The following MYH14 variants were observed in gnomAD, a reference collection of about 807,000 sequenced individuals.
MYH14 encodes myosin heavy chain 14, also known as myosin-14.
Under a neutral mutation model 255.5 loss-of-function variants are expected in MYH14, and 123 were observed. The observed-to-expected ratio is 0.48, with a 90% CI of 0.42 to 0.56. The LOEUF (loss-of-function observed/expected upper bound fraction) is 0.56, where lower values mean the gene tolerates loss of function less well. Among genes scored for constraint, MYH14 ranks in the 20% least tolerant of loss-of-function variants. MYH14 has a pLI of 0.00. For missense variants in MYH14, 2,423 were observed against 2,802.3 expected, an observed-to-expected ratio of 0.86 and a Z score of 3.06; for synonymous variants, 1,095 against 1,161.2, an observed-to-expected ratio of 0.94 and a Z score of 1.16.
At position 50,299,630 on chromosome 19, in the gene MYH14, G is replaced by A. The variant is rs2036408573; in HGVS notation, c.5470-2031G>A. ...AATAAAAGGGATGGAGGAGGGAACT[G>A]CAGGTTAAAAGAGACTTAAAAGACA... is the stretch of plus-strand genomic sequence containing the variant. On this transcript the variant is annotated intron_variant, in intron 39 of 42. Transcript: ENST00000642316. Among the ~76,000 whole-genome samples the A allele has an allele frequency of 3.3e-5, 5 of 149,792 alleles. No homozygotes were observed. The Admixed American group carries it at 3.4e-4, about 10-fold the overall frequency.
At chr19:50,214,470 C>T (rs574571689) in intron 2 of MYH14, among the ~76,000 whole-genome samples, 4 of 151,994 alleles carry the variant, frequency 2.6e-5, no homozygotes, top group African/African-American at 9.7e-5. Context: ...TTCCTGGGAC[C>T]CTTGGGGCAG....
In MYH14 at chr19:50,289,510, G is replaced by A. The variant is rs201418071; in HGVS notation, c.4827G>A (p.Leu1609=). 237 of 1,613,178 alleles carry A rather than the reference G, an allele frequency of 1.5e-4. No individual in the cohort carries two copies. Among genetic ancestry groups the A allele is most frequent in the Admixed American group, 4.8e-4 (29 of 59,958 alleles). ...ANDLRAQVTE[L]EDELTAAEDA... is the part of the protein sequence containing the mutation. ...ATCTGCGAGCACAGGTGACAGAACT[G>A]GAGGATGAGCTGACAGCGGCCGAGG... Residue 1609 remains leucine, a synonymous_variant, in exon 35 of 43, where the codon CTG becomes CTA. Transcript: ENST00000642316.
intron 11 of MYH14, among the ~76,000 whole-genome samples, chr19:50,244,728 C>CTT (rs2034033881): frequency 6.6e-6 from 1 of 152,106 alleles, no homozygotes; most frequent in Non-Finnish European, 1.5e-5. Flanking sequence ...CGTGATCTGC[C>CTT]CACCTCGGCC....
chr19:50,260,739 G>T (rs748154786), intron 20 of MYH14, 24 bp downstream of exon 20: 8 of 1,476,454 alleles, frequency 5.4e-6, no homozygotes, highest in Non-Finnish European at 6.4e-6. Flanking sequence ...AGCCTGGAAT[G>T]CGTGTGTGCG....
intron 2 of MYH14, among the ~76,000 whole-genome samples, chr19:50,214,190 G>C (rs540881228): frequency 6.6e-6 from 1 of 152,164 alleles, no homozygotes; most frequent in African/African-American, 2.4e-5. Flanking sequence ...GGCACCTTAT[G>C]TAGGAAGCAC....
chr19:50,272,852 C>A, intron 27 of MYH14, 121 bp downstream of exon 27: 1 of 958,154 alleles, frequency 1.0e-6, no homozygotes, highest in Non-Finnish European at 1.6e-6. Flanking sequence ...CAGCCACAGA[C>A]AGGCCACATC....
chr19:50,286,343 T>C, intron 33 of MYH14, 139 bp from the exon 34 acceptor site: 1 of 839,922 alleles, frequency 1.2e-6, no homozygotes, highest in Non-Finnish European at 1.8e-6. Context: ...TTAATCCCTC[T>C]ACCTCCCTCT....
At chr19:50,283,944 T>C (rs544571057) in intron 33 of MYH14, among the ~76,000 whole-genome samples, 177 of 152,010 alleles carry the variant, frequency 1.2e-3, no homozygotes, top group Non-Finnish European at 2.0e-3. Context: ...TGGTGGTGCA[T>C]GCCTGTAATC....
intron 16 of MYH14, among the ~76,000 whole-genome samples, chr19:50,254,291 G>C (rs968020114): frequency 2.6e-5 from 4 of 151,964 alleles, no homozygotes; most frequent in African/African-American, 4.8e-5. Flanking sequence ...CACTCACAGA[G>C]CAAAACAGCA....
chr19:50,241,015 G>A (rs1172036253), intron 10 of MYH14, among the ~76,000 whole-genome samples: 2 of 152,108 alleles, frequency 1.3e-5, no homozygotes, highest in Admixed American at 6.6e-5. Flanking sequence ...TTTGGAACAG[G>A]TTGTGGTATG....
intron 33 of MYH14, chr19:50,285,947 A>G (rs1251436128): frequency 6.6e-6 from 1 of 152,152 alleles, no homozygotes; most frequent in Admixed American, 6.5e-5. Context: ...ATGTGGTTCT[A>G]TTTTACAGTT....
At chr19:50,217,045 G>A (rs573145414) in intron 2 of MYH14, among the ~76,000 whole-genome samples, 5 of 151,964 alleles carry the variant, frequency 3.3e-5, no homozygotes, top group African/African-American at 4.8e-5. Flanking sequence ...TCCTGACCTC[G>A]TGATCCACCC....
chr19:50,206,279 G>A (rs1042941104), intron 1 of MYH14, among the ~76,000 whole-genome samples: 13 of 151,804 alleles, frequency 8.6e-5, no homozygotes, highest in African/African-American at 3.1e-4. Flanking sequence ...GGACTCCTCA[G>A]CCTGGGGAAG....
At chr19:50,268,581 A>G (rs2035180877) in intron 24 of MYH14, among the ~76,000 whole-genome samples, 1 of 152,258 alleles carries the variant, frequency 6.6e-6, no homozygotes, top group African/African-American at 2.4e-5. Context: ...CATCCAAGTG[A>G]TATGTTCAGC....
chr19:50,205,035 C>T (rs2031655616), intron 1 of MYH14, among the ~76,000 whole-genome samples: 1 of 151,918 alleles, frequency 6.6e-6, no homozygotes, highest in East Asian at 1.9e-4. Context: ...GACAGAATAC[C>T]ATTGTCCTCT....
chr19:50,257,266 C>T (rs1650709235), intron 17 of MYH14, 33 bp from the exon 18 acceptor site: 11 of 1,558,104 alleles, frequency 7.1e-6, no homozygotes, highest in Non-Finnish European at 9.6e-6. Context: ...ACCCTGACCT[C>T]CTTCTCTCTC....
intron 39 of MYH14, among the ~76,000 whole-genome samples, chr19:50,295,054 G>A (rs900071909): frequency 9.9e-5 from 15 of 151,118 alleles, no homozygotes; most frequent in African/African-American, 3.4e-4. Context: ...GGCCGGGCGC[G>A]GTGGCTCACG....
At chr19:50,297,690 G>T (rs1180405236) in intron 39 of MYH14, among the ~76,000 whole-genome samples, 1 of 151,154 alleles carries the variant, frequency 6.6e-6, no homozygotes, top group Non-Finnish European at 1.5e-5. Flanking sequence ...AGTAGTGATG[G>T]CATTTCACCA....
Position 50,306,960 on chromosome 19 carries a change from A to T in MYH14, c.5679-89A>T, listed in dbSNP as rs931648719. ...GAAAGAGGGAAGAAGCCAATCCAAG[A>T]ACAAGGTGACAGCCACTGCATGAGT... is the stretch of plus-strand genomic sequence containing the variant. On this transcript the variant is annotated intron_variant, in intron 40 of 42. Coordinates refer to ENST00000642316, the MANE Select transcript of MYH14 (RefSeq NM_001145809.2). 3.1e-5 allele frequency: 30 copies of T among 957,802 alleles called. No individual in the cohort carries two copies. In the Admixed American group the frequency reaches 4.2e-4, roughly 13 times the overall value. 59.3% of individuals were successfully genotyped at this position (957,802 alleles called of 1,614,324 possible).
Sources: gnomAD v4.1 joint callset for allele counts (sites outside exome capture counted in the v4.1 genomes callset) on GRCh38, gnomAD v4.1.1 for gene constraint, MANE v1.5 for transcripts, NCBI Gene and HGNC (gene_info 2026-07-23, HGNC 2026-07-21) for gene names.